Variants in ZNF521 observed in about 807,000 individuals in gnomAD.
ZNF521 encodes the protein LYST-interacting protein 3.
In ZNF521, 14 loss-of-function variants were observed where a neutral mutation model predicts 105.5. The observed-to-expected ratio is 0.13, with a 90% CI of 0.09 to 0.21. The LOEUF is 0.21. ZNF521 is among the 10% of genes least tolerant of loss of function. The pLI, the probability that ZNF521 is intolerant of heterozygous loss-of-function variation, is 1.00. For missense variants in ZNF521, 1,233 were observed against 1,629.7 expected, an observed-to-expected ratio of 0.76 and a Z score of 4.19; for synonymous variants, 635 against 606.0, an observed-to-expected ratio of 1.05 and a Z score of -0.70.
At chr18:25,219,708 C>G (rs1049559412) in intron 4 of ZNF521, among the ~76,000 whole-genome samples, 1 of 151,836 alleles carries the variant, frequency 6.6e-6, no homozygotes, top group Non-Finnish European at 1.5e-5. Flanking sequence ...TCTCAGCTAC[C>G]CAGGAGGCTG....
At chr18:25,105,224 G>A (rs1418880676) in intron 5 of ZNF521, among the ~76,000 whole-genome samples, 1 of 152,136 alleles carries the variant, frequency 6.6e-6, no homozygotes, top group Non-Finnish European at 1.5e-5. Context: ...ACAGGACCTA[G>A]AATCTAGGCA....
chr18:25,247,851 A>G (rs1907839026), intron 3 of ZNF521, among the ~76,000 whole-genome samples: 1 of 152,174 alleles, frequency 6.6e-6, no homozygotes, highest in South Asian at 2.1e-4. Context: ...GTGAAGGAGT[A>G]TCCCAGTGAC....
chr18:25,237,188 G>A (rs1173326740), intron 3 of ZNF521, among the ~76,000 whole-genome samples: 3 of 152,068 alleles, frequency 2.0e-5, no homozygotes, highest in East Asian at 1.9e-4. Flanking sequence ...GTATGTGTAC[G>A]CTTGCATGCT....
intron 4 of ZNF521, among the ~76,000 whole-genome samples, chr18:25,212,565 A>ATATATATATATATATATATATG (rs1227568202): frequency 7.2e-4 from 81 of 112,784 alleles, no homozygotes; most frequent in Non-Finnish European, 1.2e-3. Context: ...ATATATATAT[A>ATATATATATATATATATATATG]TGTATAGAAA....
chr18:25,161,395 A>G (rs1023918395), intron 5 of ZNF521, among the ~76,000 whole-genome samples: 4 of 152,172 alleles, frequency 2.6e-5, no homozygotes, highest in Non-Finnish European at 5.9e-5. Flanking sequence ...GGGTCCAGAA[A>G]AAGAAATGCC....
intron 5 of ZNF521, among the ~76,000 whole-genome samples, chr18:25,187,731 T>TA (rs2035750879): frequency 6.6e-6 from 1 of 152,320 alleles, no homozygotes; most frequent in East Asian, 1.9e-4. Context: ...AGCCTCTGCT[T>TA]AAAGACTGCA....
rs376597342 is a variant in ZNF521, at chr18:25,226,381, A to G, written c.1537T>C (p.Phe513Leu). 2 of 1,614,038 alleles carry G rather than the reference A, an allele frequency of 1.2e-6. No homozygotes were observed. The highest frequency in any genetic ancestry group is 2.7e-5 in the African/African-American group (2 of 74,934). Residue 513 changes from phenylalanine to leucine, a missense_variant, in exon 4 of 8, where the codon TTC (phenylalanine) becomes CTC (leucine). Transcript: ENST00000361524. The surrounding 1 kb of genome is among the most constrained non-coding windows in gnomAD (Gnocchi z 4.1). The stretch of plus-strand genomic sequence containing the variant: ...CCCATATAGCAATGGGGACAAAAGA[A>G]TGCATTACTATCTTTAGCTGCAGGG... ...ANPAAKDSNA[F>L]FCPHCYMGFL...
At chr18:25,141,794 A>C (rs919996166) in intron 5 of ZNF521, among the ~76,000 whole-genome samples, 2 of 152,206 alleles carry the variant, frequency 1.3e-5, no homozygotes, top group Non-Finnish European at 2.9e-5. Context: ...GCAATACTCT[A>C]ATGAGTATAA....
At chr18:25,336,445 T>C (rs1034129619) in intron 2 of ZNF521, among the ~76,000 whole-genome samples, 1 of 152,176 alleles carries the variant, frequency 6.6e-6, no homozygotes, top group Non-Finnish European at 1.5e-5. Context: ...CTTTGTAAAT[T>C]AGCACTGGCC....
chr18:25,140,999 C>T (rs1671337291), intron 5 of ZNF521, among the ~76,000 whole-genome samples: 1 of 152,158 alleles, frequency 6.6e-6, no homozygotes, highest in African/African-American at 2.4e-5. Flanking sequence ...TCCAAAGGCA[C>T]TCTCGCTTCT....
intron 3 of ZNF521, among the ~76,000 whole-genome samples, chr18:25,229,903 G>T (rs538752478): frequency 5.3e-5 from 8 of 152,302 alleles, no homozygotes; most frequent in African/African-American, 1.9e-4. Flanking sequence ...TGCAGATTGT[G>T]TCCAGGTATG....
rs61762982 is a variant in ZNF521 at position 25,322,099 on chromosome 18, G to A, written c.129C>T (p.Asp43=). The A allele has an allele frequency of 2.3e-5, 37 of 1,614,096 alleles. No homozygotes were observed. In the African/African-American group the frequency reaches 3.2e-4, roughly 14 times the overall value. Residue 43 remains aspartate (D), a synonymous_variant, in exon 3 of 8, where the codon GAC becomes GAT. Transcript: ENST00000361524. ...KRPEDGEELE[D]EAVHSCDSCL... is the part of the protein sequence containing the mutation. ...AGCTGTCACAGCTGTGCACAGCTTCGTCTTCCAACTCCTCCCCGTCTTCCG... is the reference window on the plus strand; with the variant it reads ...AGCTGTCACAGCTGTGCACAGCTTCATCTTCCAACTCCTCCCCGTCTTCCG...
In ZNF521 at chr18:25,227,567, T is replaced by C. The variant is rs1415502417; in HGVS notation, c.351A>G (p.Pro117=). 2 of 1,614,162 alleles carry C rather than the reference T, an allele frequency of 1.2e-6. No individual in the cohort carries two copies. Among genetic ancestry groups the C allele is most frequent in the Non-Finnish European group, 1.7e-6 (2 of 1,180,022 alleles). Residue 117 remains proline (P), a synonymous_variant, in exon 4 of 8, where the codon CCA becomes CCG. Coordinates refer to ENST00000361524, the MANE Select transcript of ZNF521 (RefSeq NM_015461.3). This position sits in a 1 kb window ranked among gnomAD's most constrained non-coding sequence, Gnocchi z 5.7. ...FGEEEGGPGL[P]YPCQFCDKSF... ...ACTTGTCACAGAATTGACACGGGTA[T>C]GGAAGCCCAGGGCCACCTTCTTCCT... is the stretch of plus-strand genomic sequence containing the variant.
intron 2 of ZNF521, among the ~76,000 whole-genome samples, chr18:25,333,791 A>G (rs1240597189): frequency 6.6e-6 from 1 of 152,240 alleles, no homozygotes; most frequent in Non-Finnish European, 1.5e-5. Context: ...CCAGTGGGAA[A>G]TATGAATTTG....
At chr18:25,272,442 A>C (rs994522251) in intron 3 of ZNF521, among the ~76,000 whole-genome samples, 1 of 152,180 alleles carries the variant, frequency 6.6e-6, no homozygotes, top group Admixed American at 6.5e-5. Flanking sequence ...AATTCATTGT[A>C]CTATAAAGAC....
At chr18:25,341,443 A>T (rs978867271) in intron 2 of ZNF521, among the ~76,000 whole-genome samples, 10 of 152,336 alleles carry the variant, frequency 6.6e-5, no homozygotes, top group Middle Eastern at 6.8e-3. Context: ...TTAGAAAATT[A>T]ATTAGCTTCA....
At chr18:25,270,815 A>T (rs1909604452) in intron 3 of ZNF521, among the ~76,000 whole-genome samples, 1 of 152,334 alleles carries the variant, frequency 6.6e-6, no homozygotes, top group African/African-American at 2.4e-5. Context: ...CCCACAGCTA[A>T]TATCATACTG....
At chr18:25,233,250 C>A (rs984369292) in intron 3 of ZNF521, among the ~76,000 whole-genome samples, 1 of 151,976 alleles carries the variant, frequency 6.6e-6, no homozygotes, top group Admixed American at 6.6e-5. Context: ...AACTATTATA[C>A]ATTATTACAC....
At chr18:25,065,589 T>A (rs1381519513) in intron 7 of ZNF521, among the ~76,000 whole-genome samples, 1 of 151,834 alleles carries the variant, frequency 6.6e-6, no homozygotes, top group Non-Finnish European at 1.5e-5. Context: ...TTTACCTAAA[T>A]GATAGGACTC....
Sources: allele counts gnomAD v4.1 joint callset (sites outside exome capture counted in the v4.1 genomes callset), GRCh38; gene constraint gnomAD v4.1.1; non-coding constraint Gnocchi (gnomAD v3.1); transcripts MANE v1.5; gene names NCBI Gene and HGNC (gene_info 2026-07-23, HGNC 2026-07-21).